Variants in SYT16 observed in about 807,000 individuals in gnomAD.
The protein encoded by SYT16 is synaptotagmin 16, also known as synaptotagmin-16.
In SYT16, 42 loss-of-function variants were observed where a neutral mutation model predicts 61.4. The ratio of observed to expected loss-of-function variants is 0.68; its 90% confidence interval spans 0.53 to 0.89. SYT16 has a LOEUF of 0.89. SYT16 is among the 40% of genes least tolerant of loss of function. SYT16 has a pLI of 0.00. For missense variants in SYT16, 804 were observed against 807.3 expected (o/e 1.00, Z 0.05); for synonymous variants, 314 against 302.3 (o/e 1.04, Z -0.40).
chr14:62,056,949 T>G (rs1404985121), intron 3 of SYT16, among the ~76,000 whole-genome samples: 2 of 152,022 alleles, frequency 1.3e-5, no homozygotes, highest in African/African-American at 4.8e-5. Flanking sequence ...GGGAGGCTCT[T>G]CGGGAGGCAT....
chr14:61,846,997 A>G (rs2046463855), intron 1 of SYT16, among the ~76,000 whole-genome samples: 1 of 152,096 alleles, frequency 6.6e-6, no homozygotes, highest in Admixed American at 6.5e-5. Context: ...GCTTCTCTTT[A>G]TATCTTACTG....
intron 3 of SYT16, among the ~76,000 whole-genome samples, chr14:62,043,812 T>C (rs2054846073): frequency 1.3e-5 from 2 of 152,188 alleles, no homozygotes; most frequent in South Asian, 4.1e-4. Context: ...GAGACTTTCA[T>C]AATACTTAAA....
chr14:61,977,460 C>A (rs2353857), intron 2 of SYT16, among the ~76,000 whole-genome samples: 87,334 of 151,978 alleles, frequency 0.57, 26,044 homozygotes, highest in East Asian at 0.78. Flanking sequence ...GGGAGGCAGG[C>A]ACCTTCTTTA....
intron 1 of SYT16, among the ~76,000 whole-genome samples, chr14:61,815,035 A>G (rs2045385432): frequency 6.6e-6 from 1 of 152,244 alleles, no homozygotes; most frequent in Non-Finnish European, 1.5e-5. Context: ...AGACCCTGAC[A>G]TCAGTATTTT....
chr14:61,947,832 C>T (rs2050508612), intron 1 of SYT16, among the ~76,000 whole-genome samples: 1 of 152,182 alleles, frequency 6.6e-6, no homozygotes, highest in Non-Finnish European at 1.5e-5. Flanking sequence ...TCCCTTCTGC[C>T]AGGTGGGACT....
At chr14:61,884,517 C>G (rs2140324751) in intron 1 of SYT16, among the ~76,000 whole-genome samples, 1 of 152,304 alleles carries the variant, frequency 6.6e-6, no homozygotes, top group African/African-American at 2.4e-5. Flanking sequence ...AAGTGATAAA[C>G]AGCTTCTCTT....
At chr14:61,859,070 A>G (rs2046879202) in intron 1 of SYT16, among the ~76,000 whole-genome samples, 2 of 151,772 alleles carry the variant, frequency 1.3e-5, no homozygotes, top group Non-Finnish European at 2.9e-5. Flanking sequence ...CATGTTAGCC[A>G]GGATGGTCTT....
intron 3 of SYT16, among the ~76,000 whole-genome samples, chr14:62,043,575 T>C (rs1417171133): frequency 6.6e-6 from 1 of 152,012 alleles, no homozygotes; most frequent in Non-Finnish European, 1.5e-5. Flanking sequence ...GCCCAGCTAA[T>C]TTTTTGTGTT....
At chr14:62,112,582 A>G (rs2057626058), downstream of SYT16, 1 of 152,218 alleles carries the variant, frequency 6.6e-6, no homozygotes, top group Admixed American at 6.5e-5. Context: ...TATGTTAAAA[A>G]AAGATACAGT....
At chr14:62,003,801 T>TA (rs943067472) in intron 3 of SYT16, among the ~76,000 whole-genome samples, 1 of 152,148 alleles carries the variant, frequency 6.6e-6, no homozygotes, top group Admixed American at 6.5e-5. Flanking sequence ...ACCAATCCTA[T>TA]AAAAAAAGTT....
intron 1 of SYT16, among the ~76,000 whole-genome samples, chr14:61,925,530 T>TA (rs1390871021): frequency 6.6e-6 from 1 of 152,344 alleles, no homozygotes; most frequent in East Asian, 1.9e-4. Flanking sequence ...CTTCAGAAAC[T>TA]AGCATTGCTT....
chr14:62,028,768 T>TA (rs945421684), intron 3 of SYT16, among the ~76,000 whole-genome samples: 3 of 151,908 alleles, frequency 2.0e-5, no homozygotes, highest in African/African-American at 4.8e-5. Context: ...ACTCTTTTTT[T>TA]AAAAAAAAGT....
intron 1 of SYT16, among the ~76,000 whole-genome samples, chr14:61,885,929 G>C (rs905360730): frequency 2.3e-4 from 35 of 151,952 alleles, no homozygotes; most frequent in Admixed American, 1.2e-3. Context: ...GAATGATCAG[G>C]GTGGTGGTTA....
chr14:61,913,520 C>T (rs1433509170), intron 1 of SYT16, among the ~76,000 whole-genome samples: 2 of 152,062 alleles, frequency 1.3e-5, no homozygotes, highest in African/African-American at 2.4e-5. Context: ...AATGCTAATG[C>T]ATACTGATAT....
chr14:62,042,133 G>A (rs1482080632), intron 3 of SYT16, among the ~76,000 whole-genome samples: 2 of 151,846 alleles, frequency 1.3e-5, no homozygotes, highest in Non-Finnish European at 2.9e-5. Context: ...TTCATTATGG[G>A]TATATTATCT....
chr14:61,885,510 C>A (rs892743154), intron 1 of SYT16, among the ~76,000 whole-genome samples: 6 of 152,126 alleles, frequency 3.9e-5, no homozygotes, highest in South Asian at 2.1e-4. Context: ...GTGGATGAAT[C>A]CTTGCACATA....
intron 3 of SYT16, among the ~76,000 whole-genome samples, chr14:62,040,486 G>A (rs2054685114): frequency 6.6e-6 from 1 of 152,074 alleles, no homozygotes; most frequent in African/African-American, 2.4e-5. Flanking sequence ...TTTTTCTTTT[G>A]CTTGCAGGAC....
intron 2 of SYT16, among the ~76,000 whole-genome samples, chr14:61,993,803 A>G (rs865884811): frequency 2.0e-5 from 3 of 152,154 alleles, no homozygotes; most frequent in East Asian, 1.9e-4. Context: ...AACTTAACCA[A>G]TTTACTGAGT....
intron 2 of SYT16, among the ~76,000 whole-genome samples, chr14:61,990,319 G>A (rs1006461133): frequency 2.6e-5 from 4 of 152,080 alleles, no homozygotes; most frequent in Non-Finnish European, 5.9e-5. Flanking sequence ...CGTTTTATAG[G>A]TGACACAAGA....
Sources: gnomAD v4.1 joint callset for allele counts (sites outside exome capture counted in the v4.1 genomes callset) on GRCh38, gnomAD v4.1.1 for gene constraint, MANE v1.5 for transcripts, NCBI Gene and HGNC (gene_info 2026-07-23, HGNC 2026-07-21) for gene names.